The following FLG variants were observed in gnomAD, a reference collection of about 807,000 sequenced individuals.
FLG encodes the protein filaggrin, also known as epidermal filaggrin.
Under a neutral mutation model 3.8 loss-of-function variants are expected in FLG, and 6 were observed. That is an observed-to-expected ratio of 1.60 (90% CI 0.87 to 3.15). The LOEUF (loss-of-function observed/expected upper bound fraction) is 3.15, where lower values mean the gene tolerates loss of function less well. Among genes scored for constraint, FLG ranks in the 30% most tolerant of loss-of-function variants. FLG has a pLI of 0.00. For synonymous variants in FLG, 2,551 were observed against 1,931.6 expected, an observed-to-expected ratio of 1.32 and a Z score of -8.41; for missense variants, 7,595 against 5,050.9, an observed-to-expected ratio of 1.50 and a Z score of -15.27.
Position 152,308,159 on chromosome 1 carries a change from C to A in FLG, c.6727G>T (p.Val2243Phe), listed in dbSNP as rs764562510. Residue 2243 changes from valine (V) to phenylalanine (F), a missense_variant, in exon 3 of 3, where the codon GTT (valine) becomes TTT (phenylalanine). Transcript: ENST00000368799. The part of the protein sequence containing the change: ...PRTSRPRGSS[V>F]SQDSDSEGHS... ...CCCTCACTGTCACTGTCCTGGCTAA[C>A]ACTGGATCCCCGGGGCCTGCTTGTC... 1.2e-6 allele frequency: 2 copies of A among 1,613,992 alleles called. No homozygotes were observed. The highest frequency in any genetic ancestry group is 1.7e-6 in the Non-Finnish European group (2 of 1,179,996).
rs751111714 is a variant in FLG at position 152,312,185 on chromosome 1, G to T, written c.2701C>A (p.Gln901Lys). The change falls in exon 3 of 3, where the codon CAA (glutamine) becomes AAA (lysine). Residue 901 changes from glutamine (Q) to lysine (K), a missense_variant. By Grantham distance (53) the Gln-to-Lys change is moderately conservative. Coordinates refer to ENST00000368799, the MANE Select transcript of FLG (RefSeq NM_002016.2). ...GAGTGCCTGGAGCCGTCTCTTGATT[G>T]TTCCTCATTACGTGTTGTTCTGCTT... ...SASRTTRNEE[Q>K]SRDGSRHSGS... The T allele has an allele frequency of 2.0e-5, 33 of 1,614,022 alleles. No homozygotes were observed. The highest frequency in any genetic ancestry group is 1.7e-4 in the Admixed American group (10 of 60,008).
At chr1:152,319,896 A>G (rs1652901199) in intron 1 of FLG, among the ~76,000 whole-genome samples, 1 of 151,474 alleles carries the variant, frequency 6.6e-6, no homozygotes, top group South Asian at 2.1e-4. Context: ...GGAAAAATAT[A>G]GCTAGATATT....
At position 152,303,513 on chromosome 1, in the gene FLG, G is replaced by T. The variant is rs1381475114; in HGVS notation, c.11373C>A (p.Thr3791=). The change falls in exon 3 of 3, where the codon ACC becomes ACA. Residue 3791 remains threonine, a synonymous_variant. Coordinates refer to ENST00000368799, the MANE Select transcript of FLG (RefSeq NM_002016.2). ...AGGCATCAGACCTTCCCTGGGATGT[G>T]GTGTGGCTGTGATGGGACCCTGAGT... ...SGHSGSHHSH[T]TSQGRSDASH... is the part of the protein sequence containing the mutation. 2 of 1,613,942 alleles carry T rather than the reference G, an allele frequency of 1.2e-6. No homozygotes were observed. Among genetic ancestry groups the T allele is most frequent in the Non-Finnish European group, 1.7e-6 (2 of 1,180,022 alleles).
chr1:152,309,841 C>A lies in FLG; in HGVS notation c.5045G>T (p.Gly1682Val). 6.2e-7 allele frequency: 1 copy of A among 1,614,094 alleles called. No homozygotes were observed. Among genetic ancestry groups the A allele is most frequent in the Non-Finnish European group, 8.5e-7 (1 of 1,180,024 alleles). Residue 1682 changes from glycine to valine, a missense_variant, in exon 3 of 3, where the codon GGA becomes GTA. Transcript: ENST00000368799. ...GTCTGCTGACTGCTGGTGGCGGGAT[C>A]CATGTCTTTCTCCTGGACTTGACCT... Reference protein sequence around the residue: ...QARSSPGERHGSRHQQSADSS... With the variant: ...QARSSPGERHVSRHQQSADSS...
Position 152,314,655 on chromosome 1 carries a change from C to G in FLG, c.231G>C (p.Met77Ile), listed in dbSNP as rs1358450049. ...KKIDFTEFLL[M>I]VFKLAQAYYE... ...AATATGCTTGAGCCAACTTGAATAC[C>G]ATCAGAAGAAACTCAGTGAAGTCAA... Residue 77 changes from methionine to isoleucine, a missense_variant, in exon 3 of 3, where the codon ATG (methionine) becomes ATC (isoleucine). Physicochemically the swap from Met to Ile is conservative, Grantham distance 10 (BLOSUM62 1). Transcript: ENST00000368799. The G allele has an allele frequency of 6.2e-7, 1 of 1,613,876 alleles. No homozygotes were observed. Among genetic ancestry groups the G allele is most frequent in the South Asian group, 1.1e-5 (1 of 91,066 alleles).
rs1332912239 is a variant in FLG, at chr1:152,315,478, C to G, written c.-21-1G>C. 3.7e-6 allele frequency: 6 copies of G among 1,603,588 alleles called. No homozygotes were observed. The highest frequency in any genetic ancestry group is 4.3e-6 in the Non-Finnish European group (5 of 1,175,210). On this transcript the variant is annotated splice_acceptor_variant, in intron 1 of 2. Transcript: ENST00000368799. LOFTEE classifies it low-confidence loss of function (5UTR_SPLICE). ...ACATCTTTTGGCAATAAATGTGAAC[C>G]TAGAAAGAAGAAATGAAAATGCACT...
Position 152,310,647 on chromosome 1 carries a change from G to T in FLG, c.4239C>A (p.His1413Gln), listed in dbSNP as rs147032729. ...EDSDTQSVSA[H>Q]GQAGPHQQSH... is the part of the protein sequence containing the mutation. The stretch of plus-strand genomic sequence containing the variant: ...TCTGCTGATGGGGCCCAGCTTGTCC[G>T]TGGGCTGACACTGACTGTGTGTCTG... Residue 1413 changes from histidine (H) to glutamine (Q), a missense_variant, in exon 3 of 3, where the codon CAC (histidine) becomes CAA (glutamine). By Grantham distance (24) the His-to-Gln change is conservative (BLOSUM62 0). Coordinates refer to ENST00000368799, the MANE Select transcript of FLG (RefSeq NM_002016.2). The T allele has an allele frequency of 3.1e-6, 5 of 1,613,922 alleles. No individual in the cohort carries two copies. The highest frequency in any genetic ancestry group is 2.2e-5 in the South Asian group (2 of 91,066).
At position 152,302,934 on chromosome 1, in the gene FLG, A is replaced by G. The variant is rs150644405; in HGVS notation, c.11952T>C (p.Tyr3984=). Residue 3984 remains tyrosine, a synonymous_variant, in exon 3 of 3, where the codon TAT becomes TAC. Coordinates refer to ENST00000368799, the MANE Select transcript of FLG (RefSeq NM_002016.2). ...GTCTAAACCCGGATTCACCATAATC[A>G]TAATCTGCACTACCATAGCTGCCAT... ...WRHGSYGSAD[Y]DYGESGFRHS... The G allele has an allele frequency of 2.5e-6, 4 of 1,614,098 alleles. No individual in the cohort carries two copies. The highest frequency in any genetic ancestry group is 3.4e-6 in the Non-Finnish European group (4 of 1,180,048).
At position 152,303,752 on chromosome 1, in the gene FLG, AGAG is replaced by A; in HGVS notation, c.11131_11133del (p.Leu3711del). 1 of 1,613,716 alleles carries A rather than the reference AGAG, an allele frequency of 6.2e-7. No homozygotes were observed. Among genetic ancestry groups the A allele is most frequent in the South Asian group, 1.1e-5 (1 of 91,030 alleles). On this transcript the variant is annotated inframe_deletion, in exon 3 of 3. Transcript: ENST00000368799. ...GACTGTTCATGAGTGCTCACCTGGTAGAGGAAAGACCCTGAACGTCCAGACCTT... is the reference window on the plus strand; with the variant it reads ...GACTGTTCATGAGTGCTCACCTGGTAGAAAGACCCTGAACGTCCAGACCTT...
Position 152,309,756 on chromosome 1 carries a change from T to G in FLG, c.5130A>C (p.Gly1710=), listed in dbSNP as rs1570906203. The change falls in exon 3 of 3, where the codon GGA becomes GGC. Residue 1710 remains glycine, a synonymous_variant. Transcript: ENST00000368799. ...RQDSSVVGDS[G]NRGSSGSQAS... is the part of the protein sequence containing the mutation. ...CCTGGCTACCACTGGACCCTCGGTT[T>G]CCACTGTCTCCGACTACAGATGAAT... The G allele has an allele frequency of 6.2e-7, 1 of 1,613,936 alleles. No individual in the cohort carries two copies. The highest frequency in any genetic ancestry group is 8.5e-7 in the Non-Finnish European group (1 of 1,179,978).
rs747077772 is a variant in FLG, at chr1:152,311,847, G to A, written c.3039C>T (p.Ser1013=). The change falls in exon 3 of 3, where the codon TCC becomes TCT. Residue 1013 remains serine, a synonymous_variant. Coordinates refer to ENST00000368799, the MANE Select transcript of FLG (RefSeq NM_002016.2). ...RQSGTPHAET[S]SGGQAASSHE... ...GGGATGACGCAGCCTGTCCACCAGA[G>A]GAAGTCTCTGCGTGAGGAGTTCCTG... 1.9e-5 allele frequency: 30 copies of A among 1,614,014 alleles called. No individual in the cohort carries two copies. In the South Asian group the frequency reaches 2.9e-4, roughly 15 times the overall value.
rs150416073 is a variant in FLG at position 152,313,014 on chromosome 1, G to A, written c.1872C>T (p.Asp624=). The stretch of plus-strand genomic sequence containing the variant: ...CTTCTGAGTGTCCCTGACTGTCACT[G>A]TCCTGGCTAACACTGGATCCCTGGT... ...SRNQGSSVSQ[D]SDSQGHSEDS... is the part of the protein sequence containing the mutation. Residue 624 remains aspartate (D), a synonymous_variant, in exon 3 of 3, where the codon GAC becomes GAT. Transcript: ENST00000368799. 2.2e-5 allele frequency: 35 copies of A among 1,613,898 alleles called. No individual in the cohort carries two copies. The highest frequency in any genetic ancestry group is 2.4e-5 in the Non-Finnish European group (28 of 1,180,024).
rs1476331151 is a variant in FLG, at chr1:152,310,615, T to C, written c.4271A>G (p.Lys1424Arg). The change falls in exon 3 of 3, where the codon AAA becomes AGA. Residue 1424 changes from lysine to arginine, a missense_variant. By Grantham distance (26) the Lys-to-Arg change is conservative (BLOSUM62 2). Coordinates refer to ENST00000368799, the MANE Select transcript of FLG (RefSeq NM_002016.2). ...CCCTGACTGGCCACGTGCGGACTCT[T>C]TGTGGCTCTGCTGATGGGGCCCAGC... ...GQAGPHQQSH[K>R]ESARGQSGES... The C allele has an allele frequency of 1.9e-6, 3 of 1,613,850 alleles. No individual in the cohort carries two copies. Among genetic ancestry groups the C allele is most frequent in the African/African-American group, 2.7e-5 (2 of 74,946 alleles).
intron 1 of FLG, among the ~76,000 whole-genome samples, chr1:152,323,726 A>T (rs1394865122): frequency 6.6e-6 from 1 of 151,558 alleles, no homozygotes; most frequent in Non-Finnish European, 1.5e-5. Flanking sequence ...TGACAGAAGC[A>T]CTTTGGAAAA....
In FLG at chr1:152,312,450, G is replaced by C. The variant is rs144399128; in HGVS notation, c.2436C>G (p.Pro812=). 11 of 1,613,586 alleles carry C rather than the reference G, an allele frequency of 6.8e-6. No individual in the cohort carries two copies. The highest frequency in any genetic ancestry group is 9.3e-6 in the Non-Finnish European group (11 of 1,179,892). The part of the protein sequence containing the change: ...QSESSHGWTG[P]STGVRQGSHH... ...GGGATCCTTGTCTTACTCCAGTGCTGGGCCCTGTCCATCCATGGGAGGACT... is the reference window on the plus strand; with the variant it reads ...GGGATCCTTGTCTTACTCCAGTGCTCGGCCCTGTCCATCCATGGGAGGACT... Residue 812 remains proline (P), a synonymous_variant, in exon 3 of 3, where the codon CCC becomes CCG. Transcript: ENST00000368799.
In FLG at chr1:152,304,973, G is replaced by C; in HGVS notation, c.9913C>G (p.Arg3305Gly). The change falls in exon 3 of 3, where the codon CGC becomes GGC. Residue 3305 changes from arginine (R) to glycine (G), a missense_variant. Coordinates refer to ENST00000368799, the MANE Select transcript of FLG (RefSeq NM_002016.2). Reference protein sequence around the residue: ...RSSPGERHGSRHQQSADSSRH... With the variant: ...RSSPGERHGSGHQQSADSSRH... The stretch of plus-strand genomic sequence containing the variant: ...GAGCTGTCTGCTGACTGCTGGTGGC[G>C]GGATCCGTGTCTCTCTCCTGGACTT... 1.2e-6 allele frequency: 2 copies of C among 1,613,652 alleles called. 1 individual carries two copies. The highest frequency in any genetic ancestry group is 1.7e-6 in the Non-Finnish European group (2 of 1,179,950).
Position 152,310,016 on chromosome 1 carries a change from C to T in FLG, c.4870G>A (p.Glu1624Lys). The change falls in exon 3 of 3, where the codon GAG becomes AAG. Residue 1624 changes from glutamate (E) to lysine (K), a missense_variant. Physicochemically the swap from Glu to Lys is moderately conservative, Grantham distance 56. Coordinates refer to ENST00000368799, the MANE Select transcript of FLG (RefSeq NM_002016.2). ...ASRNHYGSAR[E>K]QSRHGSRNPR... ...TTCCTGGAGCCATGTCTTGACTGCT[C>T]CCGAGCAGATCCATAATGGTTTCTG... 2 of 1,613,852 alleles carry T rather than the reference C, an allele frequency of 1.2e-6. No homozygotes were observed. Among genetic ancestry groups the T allele is most frequent in the South Asian group, 1.1e-5 (1 of 91,068 alleles).
intron 1 of FLG, among the ~76,000 whole-genome samples, chr1:152,324,200 G>C (rs1195954074): frequency 6.6e-6 from 1 of 151,750 alleles, no homozygotes; most frequent in African/African-American, 2.4e-5. Flanking sequence ...CTATATTCCT[G>C]TTTTCCACGT....
In FLG at chr1:152,310,062, C is replaced by A; in HGVS notation, c.4824G>T (p.Glu1608Asp). ...RDSEGHSEDS[E>D]RRSESASRNH... ...TTCTGGAAGCCGACTCAGACCGCCT[C>A]TCAGAGTCTTCTGAGTGTCCCTCAC... is the stretch of plus-strand genomic sequence containing the variant. The change falls in exon 3 of 3, where the codon GAG becomes GAT. Residue 1608 changes from glutamate to aspartate, a missense_variant. Transcript: ENST00000368799. 6.2e-7 allele frequency: 1 copy of A among 1,613,674 alleles called. No homozygotes were observed. Among genetic ancestry groups the A allele is most frequent in the South Asian group, 1.1e-5 (1 of 91,062 alleles).
Sources: gnomAD v4.1 joint callset for allele counts (sites outside exome capture counted in the v4.1 genomes callset) on GRCh38, gnomAD v4.1.1 for gene constraint, MANE v1.5 for transcripts, NCBI Gene and HGNC (gene_info 2026-07-23, HGNC 2026-07-21) for gene names.